The following DHX40 variants were observed in gnomAD, a reference collection of about 807,000 sequenced individuals.
DHX40 encodes probable ATP-dependent RNA helicase DHX40.
In DHX40, 28 loss-of-function variants were observed where a neutral mutation model predicts 89.6. The observed-to-expected ratio is 0.31, with a 90% CI of 0.23 to 0.43. The LOEUF is 0.43. Among genes scored for constraint, DHX40 ranks in the 20% least tolerant of loss-of-function variants. The probability of loss-of-function intolerance (pLI) is 1.00; values close to 1 mark genes in which losing one functional copy is unlikely to be tolerated. For missense variants in DHX40, 457 were observed against 844.0 expected (o/e 0.54, Z 5.68); for synonymous variants, 226 against 283.6 (o/e 0.80, Z 2.04).
At chr17:59,593,890 T>C (rs1223689941) in intron 12 of DHX40, among the ~76,000 whole-genome samples, 2 of 150,824 alleles carry the variant, frequency 1.3e-5, no homozygotes, top group Non-Finnish European at 3.0e-5. Context: ...CCATTTTGTT[T>C]CTTGTCCTTG....
Position 59,594,082 on chromosome 17 carries a change from A to G in DHX40, c.1583-4655A>G, listed in dbSNP as rs2697417. The stretch of plus-strand genomic sequence containing the variant: ...TCAGCCAAGGAGTCGAGGCTCAGAC[A>G]TTCCCTCTCTATTTACTTCTCAGAA... On this transcript the variant is annotated intron_variant, in intron 12 of 17. Transcript: ENST00000251241. 4.1e-3 allele frequency among the ~76,000 whole-genome samples: 627 copies of G among 152,112 alleles called. 5 individuals are homozygous for G. Among genetic ancestry groups the G allele is most frequent in the Middle Eastern group, 6.8e-3 (2 of 292 alleles).
chr17:59,580,895 A>G lies in DHX40; in HGVS notation c.1343+1016A>G, dbSNP rs531908150. On this transcript the variant is annotated intron_variant, in intron 10 of 17. Transcript: ENST00000251241. Reference sequence around the variant, plus strand: ...CCAGGAGTTTGAGACCCGCCTGGCCATCCTGGCAAAACCCCGTAGCTACTG... The same window carrying G: ...CCAGGAGTTTGAGACCCGCCTGGCCGTCCTGGCAAAACCCCGTAGCTACTG... Among the ~76,000 whole-genome samples, 232 of 151,366 alleles carry G rather than the reference A, an allele frequency of 1.5e-3. 5 individuals carry two copies. In the South Asian group the frequency reaches 0.023, roughly 15 times the overall value.
At chr17:59,567,608 C>T (rs2143185576) in intron 2 of DHX40, among the ~76,000 whole-genome samples, 1 of 152,198 alleles carries the variant, frequency 6.6e-6, no homozygotes, top group East Asian at 1.9e-4. Context: ...TGATGTGATT[C>T]CAGAGTTAGA....
chr17:59,581,732 C>T lies in DHX40; in HGVS notation c.1343+1853C>T, dbSNP rs1196387840. On this transcript the variant is annotated intron_variant, in intron 10 of 17. Transcript: ENST00000251241. Reference sequence around the variant, plus strand: ...CGAGATTGCGCCATCGCACTCCAGCCTGGGCAACAAGAGCGAAACTCTGTC... The same window carrying T: ...CGAGATTGCGCCATCGCACTCCAGCTTGGGCAACAAGAGCGAAACTCTGTC... 3.5e-5 allele frequency among the ~76,000 whole-genome samples: 3 copies of T among 85,808 alleles called. 1 individual carries two copies. In the East Asian group the frequency reaches 1.4e-3, roughly 39 times the overall value. 56.3% of individuals were successfully genotyped at this position (85,808 alleles called of 152,430 possible). A position where few individuals can be genotyped will look rare whatever the true frequency, so the allele number is the denominator to read the frequency against.
intron 11 of DHX40, among the ~76,000 whole-genome samples, chr17:59,586,794 A>T (rs184670474): frequency 6.6e-6 from 1 of 152,080 alleles, no homozygotes; most frequent in Non-Finnish European, 1.5e-5. Context: ...CATAAAAATG[A>T]TAAGAGAGCC....
At chr17:59,585,602 A>G (rs1483923159) in intron 10 of DHX40, among the ~76,000 whole-genome samples, 1 of 149,498 alleles carries the variant, frequency 6.7e-6, no homozygotes, top group Non-Finnish European at 1.5e-5. Flanking sequence ...ATGTGCCTGT[A>G]GTCCCAGCTA....
intron 11 of DHX40, 65 bp from the exon 12 acceptor site, chr17:59,587,831 T>C: frequency 6.5e-7 from 1 of 1,536,542 alleles, no homozygotes; most frequent in Non-Finnish European, 8.9e-7. Context: ...TTATTCTGAA[T>C]GATGAATGTT....
intron 16 of DHX40, 81 bp downstream of exon 16, chr17:59,605,265 A>T: frequency 7.0e-7 from 1 of 1,437,178 alleles, no homozygotes; most frequent in Non-Finnish European, 9.7e-7. Context: ...TCTACTTTTC[A>T]CTTTGGAGTT....
At chr17:59,586,838 G>T (rs56132796) in intron 11 of DHX40, among the ~76,000 whole-genome samples, 2,204 of 152,144 alleles carry the variant, frequency 0.014, 48 homozygotes, top group African/African-American at 0.049. Flanking sequence ...GTGATGGGGT[G>T]GTTAGGTTTG....
Position 59,565,661 on chromosome 17 carries a change from G to A in DHX40, c.-11G>A. The A allele has an allele frequency of 1.2e-5, 19 of 1,597,854 alleles. No homozygotes were observed. The highest frequency in any genetic ancestry group is 1.6e-5 in the Non-Finnish European group (19 of 1,178,190). ...CGGTGGACGTGCTCGCCTCCACTCGGGGCCAGGTCTATGTCCCGGTTTCCC... is the reference window on the plus strand; with the variant it reads ...CGGTGGACGTGCTCGCCTCCACTCGAGGCCAGGTCTATGTCCCGGTTTCCC... On this transcript the variant is annotated 5_prime_UTR_variant, in exon 1 of 18. Transcript: ENST00000251241.
chr17:59,588,043 C>T lies in DHX40; in HGVS notation c.1572C>T (p.Phe524=). The T allele has an allele frequency of 6.2e-7, 1 of 1,613,330 alleles. No individual in the cohort carries two copies. The highest frequency in any genetic ancestry group is 8.5e-7 in the Non-Finnish European group (1 of 1,179,630). Residue 524 remains phenylalanine (F), a synonymous_variant, in exon 12 of 18, where the codon TTC becomes TTT. Coordinates refer to ENST00000251241, the MANE Select transcript of DHX40 (RefSeq NM_024612.5). ...IAAMLSVENV[F]IRPVDPEYQK... The stretch of plus-strand genomic sequence containing the variant: ...CAATGTTGTCTGTGGAAAACGTCTT[C>T]ATTAGACCTGGTAAGATGTTTATTT...
At chr17:59,601,095 G>C (rs917076576) in intron 14 of DHX40, among the ~76,000 whole-genome samples, 21 of 149,362 alleles carry the variant, frequency 1.4e-4, no homozygotes, top group African/African-American at 5.2e-4. Context: ...CTTGAGCCCA[G>C]CAAGTTTGAG....
intron 2 of DHX40, among the ~76,000 whole-genome samples, chr17:59,570,055 A>AT (rs1211706600): frequency 4.0e-5 from 4 of 99,154 alleles, no homozygotes. Flanking sequence ...AATATATATA[A>AT]TATACATTAT....
chr17:59,602,604 A>G lies in DHX40; in HGVS notation c.1889A>G (p.Asn630Ser). 2 of 1,613,816 alleles carry G rather than the reference A, an allele frequency of 1.2e-6. No individual in the cohort carries two copies. Among genetic ancestry groups the G allele is most frequent in the Non-Finnish European group, 1.7e-6 (2 of 1,179,772 alleles). ...TGTCTTTGTGCGGGCTATTTCAAAA[A>G]TGTAGCTCGAAGGTAAGCAATAAAG... ...RRCLCAGYFK[N>S]VARRSVGRTF... The change falls in exon 15 of 18, where the codon AAT (asparagine) becomes AGT (serine). Residue 630 changes from asparagine (N) to serine (S), a missense_variant. Asn to Ser is a conservative substitution (Grantham distance 46, BLOSUM62 1). Around this residue, in one of 9 missense-constraint regions of DHX40, gnomAD observed 32 missense variants for 60.0 expected, o/e 0.53. Coordinates refer to ENST00000251241, the MANE Select transcript of DHX40 (RefSeq NM_024612.5).
At chr17:59,570,299 A>ATT (rs1447330359) in intron 2 of DHX40, among the ~76,000 whole-genome samples, 2 of 134,742 alleles carry the variant, frequency 1.5e-5, no homozygotes, top group Admixed American at 1.7e-4. Flanking sequence ...ATATTTATAT[A>ATT]TTATATATAT....
chr17:59,570,474 C>A, intron 2 of DHX40, 44 bp from the exon 3 acceptor site: 1 of 1,551,434 alleles, frequency 6.4e-7, no homozygotes, highest in Non-Finnish European at 8.7e-7. Context: ...AATAGGAAGA[C>A]AATTGCTAAC....
At chr17:59,605,380 G>T in intron 16 of DHX40, 66 bp from the exon 17 acceptor site, 1 of 1,491,834 alleles carries the variant, frequency 6.7e-7, no homozygotes, top group Non-Finnish European at 9.2e-7. Flanking sequence ...TGGACTATTT[G>T]GTTGGTTTAA....
chr17:59,602,766 C>T (rs1329317439), intron 15 of DHX40, 150 bp downstream of exon 15: 15 of 721,416 alleles, frequency 2.1e-5, no homozygotes, highest in East Asian at 8.9e-5. Context: ...GCTACAGTGA[C>T]GAGGGAGAGC....
At chr17:59,577,176 A>C (rs970250919) in intron 7 of DHX40, 90 bp from the exon 8 acceptor site, 31 of 1,118,190 alleles carry the variant, frequency 2.8e-5, no homozygotes, top group Non-Finnish European at 4.0e-5. Flanking sequence ...GCCTAGAAAC[A>C]TGACTTGTAA....
Sources: allele counts gnomAD v4.1 joint callset (sites outside exome capture counted in the v4.1 genomes callset), GRCh38; gene constraint gnomAD v4.1.1; regional missense constraint gnomAD v4.1.1; transcripts MANE v1.5; gene names NCBI Gene and HGNC (gene_info 2026-07-23, HGNC 2026-07-21).